MCU: variants seen among roughly 807,000 people sequenced by gnomAD.
MCU encodes the protein calcium uniporter protein, mitochondrial.
In MCU, 12 loss-of-function variants were observed where a neutral mutation model predicts 45.2. The observed-to-expected ratio is 0.27, with a 90% CI of 0.17 to 0.43. The LOEUF (loss-of-function observed/expected upper bound fraction) is 0.43, where lower values mean the gene tolerates loss of function less well. MCU is among the 20% of genes least tolerant of loss of function. The pLI is 1.00. For synonymous variants in MCU, 160 were observed against 165.1 expected (o/e 0.97, Z 0.24); for missense variants, 324 against 436.7 (o/e 0.74, Z 2.30).
chr10:72,728,663 T>G (rs1476815142), intron 1 of MCU, among the ~76,000 whole-genome samples: 1 of 151,722 alleles, frequency 6.6e-6, no homozygotes, highest in African/African-American at 2.4e-5. Flanking sequence ...GTGGTGGGAG[T>G]GTGGGAGTGA....
chr10:72,828,511 C>G (rs1844831322), intron 1 of MCU, among the ~76,000 whole-genome samples: 1 of 152,008 alleles, frequency 6.6e-6, no homozygotes, highest in African/African-American at 2.4e-5. Context: ...TCAGCATTCC[C>G]CTTCCTTTAG....
chr10:72,861,566 C>T (rs143055957), intron 4 of MCU: 34 of 303,768 alleles, frequency 1.1e-4, no homozygotes, highest in African/African-American at 6.5e-4. Flanking sequence ...AGGCTGGTCT[C>T]GGACTCTTGA....
At chr10:72,754,829 AAAC>A (rs144092299) in intron 1 of MCU, among the ~76,000 whole-genome samples, 7,982 of 152,178 alleles carry the variant, frequency 0.052, 699 homozygotes, top group African/African-American at 0.18. Context: ...ACTGCCTCAA[AAAC>A]AACAACAACA....
intron 1 of MCU, among the ~76,000 whole-genome samples, chr10:72,696,701 GCTGGGTACATAGGTGACA>G (rs1439514118): frequency 6.6e-6 from 1 of 152,110 alleles, no homozygotes; most frequent in African/African-American, 2.4e-5. Context: ...CTAGCACAAT[GCTGGGTACATAGGTGACA>G]CTCAGACAAG....
At chr10:72,693,073 T>A in intron 1 of MCU, 1 of 1,536,062 alleles carries the variant, frequency 6.5e-7, no homozygotes. Flanking sequence ...TATGGTAAGT[T>A]GTTGACAGAG....
At chr10:72,831,824 A>G (rs957345173) in intron 1 of MCU, among the ~76,000 whole-genome samples, 25 of 152,172 alleles carry the variant, frequency 1.6e-4, no homozygotes, top group African/African-American at 5.8e-4. Context: ...CCCTGAAGCA[A>G]AAATGTAGCT....
chr10:72,710,197 T>C (rs1057122102), intron 1 of MCU, among the ~76,000 whole-genome samples: 1 of 152,140 alleles, frequency 6.6e-6, no homozygotes, highest in Non-Finnish European at 1.5e-5. Flanking sequence ...AGGATGGTCT[T>C]GATCTCCTGA....
chr10:72,765,665 G>A (rs865870885), intron 1 of MCU, among the ~76,000 whole-genome samples: 5 of 151,278 alleles, frequency 3.3e-5, no homozygotes, highest in South Asian at 2.1e-4. Flanking sequence ...ATGGTGGCAC[G>A]TATCTCTGGT....
intron 1 of MCU, among the ~76,000 whole-genome samples, chr10:72,716,203 A>G (rs1006076462): frequency 4.6e-5 from 7 of 152,228 alleles, no homozygotes; most frequent in Non-Finnish European, 1.0e-4. Flanking sequence ...TAAACTATTT[A>G]TTATTTAGCC....
At chr10:72,709,114 C>G (rs949209597) in intron 1 of MCU, among the ~76,000 whole-genome samples, 11 of 152,082 alleles carry the variant, frequency 7.2e-5, no homozygotes, top group Admixed American at 2.0e-4. Flanking sequence ...GGAACTATTT[C>G]AAAGAGGTGC....
intron 1 of MCU, among the ~76,000 whole-genome samples, chr10:72,786,746 A>T (rs564557642): frequency 6.6e-6 from 1 of 152,322 alleles, no homozygotes; most frequent in East Asian, 1.9e-4. Context: ...ACAATGTCTC[A>T]AAATAAATAA....
intron 1 of MCU, among the ~76,000 whole-genome samples, chr10:72,799,796 A>T (rs1003794843): frequency 2.0e-5 from 3 of 152,150 alleles, no homozygotes; most frequent in African/African-American, 7.2e-5. Context: ...GTCATTGGCC[A>T]TTTGTATTTC....
chr10:72,745,911 T>C (rs939211954), intron 1 of MCU, among the ~76,000 whole-genome samples: 1 of 152,194 alleles, frequency 6.6e-6, no homozygotes, highest in African/African-American at 2.4e-5. Context: ...TCATTGACAT[T>C]AAGTACCTTC....
At chr10:72,705,234 A>G (rs1842805163) in intron 1 of MCU, among the ~76,000 whole-genome samples, 1 of 152,152 alleles carries the variant, frequency 6.6e-6, no homozygotes. Flanking sequence ...GGTTTGTTAT[A>G]TAGGTATACA....
At chr10:72,863,020 GT>G (rs911171323) in intron 4 of MCU, among the ~76,000 whole-genome samples, 21 of 151,934 alleles carry the variant, frequency 1.4e-4, no homozygotes, top group African/African-American at 4.8e-4. Context: ...CTTTTAAAAT[GT>G]TTTCTTTCCC....
At chr10:72,813,758 A>G (rs986082201) in intron 1 of MCU, among the ~76,000 whole-genome samples, 2 of 151,976 alleles carry the variant, frequency 1.3e-5, no homozygotes, top group Admixed American at 6.6e-5. Flanking sequence ...TGCGCCCAGC[A>G]AATACCATCT....
chr10:72,798,096 C>T (rs1451620439), intron 1 of MCU, among the ~76,000 whole-genome samples: 1 of 151,886 alleles, frequency 6.6e-6, no homozygotes, highest in Admixed American at 6.6e-5. Context: ...AGAGGTAATA[C>T]ATACTCAATG....
At chr10:72,856,958 G>C (rs1270764994) in intron 2 of MCU, among the ~76,000 whole-genome samples, 1 of 134,384 alleles carries the variant, frequency 7.4e-6, no homozygotes, top group East Asian at 2.0e-4. Flanking sequence ...AAAAAAAAAA[G>C]GTTTTAGACA....
At chr10:72,874,999 C>T (rs1196157891) in intron 6 of MCU, among the ~76,000 whole-genome samples, 1 of 152,104 alleles carries the variant, frequency 6.6e-6, no homozygotes, top group Admixed American at 6.6e-5. Context: ...CATCTAGTAA[C>T]ATAAGTACAT....
Sources: allele counts gnomAD v4.1 joint callset (sites outside exome capture counted in the v4.1 genomes callset), GRCh38; gene constraint gnomAD v4.1.1; transcripts MANE v1.5; gene names NCBI Gene and HGNC (gene_info 2026-07-23, HGNC 2026-07-21).